The following FAM163A variants were observed in gnomAD, a reference collection of about 807,000 sequenced individuals.
The protein encoded by FAM163A is protein FAM163A.
FAM163A carries 7 observed loss-of-function variants against 12.0 expected under a neutral mutation model. The ratio of observed to expected loss-of-function variants is 0.58; its 90% confidence interval spans 0.33 to 1.10. FAM163A has a LOEUF of 1.10. Ranked by LOEUF, FAM163A falls within the 50% of genes least tolerant of loss-of-function variation. The probability of loss-of-function intolerance (pLI) is 0.03; values close to 1 mark genes in which losing one functional copy is unlikely to be tolerated. For synonymous variants in FAM163A, 101 were observed against 91.0 expected, an observed-to-expected ratio of 1.11 and a Z score of -0.62; for missense variants, 202 against 218.6, an observed-to-expected ratio of 0.92 and a Z score of 0.48.
At position 179,767,889 on chromosome 1, in the gene FAM163A, C is replaced by T. The variant is rs1357442395; in HGVS notation, c.-136+24466C>T. On this transcript the variant is annotated intron_variant, in intron 1 of 4. Coordinates refer to ENST00000341785, the MANE Select transcript of FAM163A (RefSeq NM_173509.3). ...CACAACAATTAATTTCCCCTCTTAACCATTCGTAAGTGTTAAGTAGTGTTA... is the reference window on the plus strand; with the variant it reads ...CACAACAATTAATTTCCCCTCTTAATCATTCGTAAGTGTTAAGTAGTGTTA... Among the ~76,000 whole-genome samples the T allele has an allele frequency of 3.3e-5, 5 of 152,160 alleles. No homozygotes were observed. In the East Asian group the frequency reaches 9.6e-4, roughly 29 times the overall value.
intron 1 of FAM163A, among the ~76,000 whole-genome samples, chr1:179,789,662 T>G (rs1691161633): frequency 6.6e-6 from 1 of 152,180 alleles, no homozygotes; most frequent in African/African-American, 2.4e-5. Flanking sequence ...GGTGAAAGAC[T>G]TAACATTGGT....
the FAM163A span, among the ~76,000 whole-genome samples, chr1:179,736,862 G>T: frequency 1.3e-5 from 2 of 152,066 alleles, no homozygotes; most frequent in African/African-American, 2.4e-5. Context: ...TATTGGCATT[G>T]CTGTGGAGAA....
chr1:179,769,489 A>G (rs73039657), intron 1 of FAM163A, among the ~76,000 whole-genome samples: 3,686 of 152,286 alleles, frequency 0.024, 167 homozygotes, highest in African/African-American at 0.084. Context: ...TTACATTTGG[A>G]TAGGTCACAC....
chr1:179,809,323 AG>A (rs1212419848), intron 2 of FAM163A, among the ~76,000 whole-genome samples: 1 of 152,176 alleles, frequency 6.6e-6, no homozygotes, highest in East Asian at 1.9e-4. Flanking sequence ...CTTTCCTCAC[AG>A]TCACACTTGA....
intron 1 of FAM163A, among the ~76,000 whole-genome samples, chr1:179,754,234 G>A (rs944704539): frequency 2.0e-5 from 3 of 152,014 alleles, no homozygotes; most frequent in Non-Finnish European, 2.9e-5. Flanking sequence ...TAATCATACA[G>A]GCAGGGCACT....
intron 1 of FAM163A, among the ~76,000 whole-genome samples, chr1:179,796,210 C>T (rs1692295939): frequency 6.6e-6 from 1 of 151,926 alleles, no homozygotes; most frequent in African/African-American, 2.4e-5. Context: ...TCTATTTCTT[C>T]TCAACTTTAC....
rs528948239 is a variant in FAM163A, at chr1:179,812,808, C to G, written c.-22-268C>G. On this transcript the variant is annotated intron_variant, in intron 3 of 4. Coordinates refer to ENST00000341785, the MANE Select transcript of FAM163A (RefSeq NM_173509.3). ...GAAGCGGGAGCTAAGAAGGGTGTGACGGGAGAGGAAAGGCGAGAAGAGCAC... is the reference window on the plus strand; with the variant it reads ...GAAGCGGGAGCTAAGAAGGGTGTGAGGGGAGAGGAAAGGCGAGAAGAGCAC... Among the ~76,000 whole-genome samples, 23 of 152,222 alleles carry G rather than the reference C, an allele frequency of 1.5e-4. 1 individual carries two copies. In the East Asian group the frequency reaches 2.9e-3, roughly 19 times the overall value.
intron 1 of FAM163A, among the ~76,000 whole-genome samples, chr1:179,767,614 AC>A (rs1687686303): frequency 6.6e-6 from 1 of 151,162 alleles, no homozygotes; most frequent in Non-Finnish European, 1.5e-5. Context: ...TGAGAAAAAA[AC>A]CCCTGTCCCC....
At chr1:179,780,446 G>A (rs1427997388) in intron 1 of FAM163A, among the ~76,000 whole-genome samples, 3 of 152,216 alleles carry the variant, frequency 2.0e-5, no homozygotes, top group Non-Finnish European at 4.4e-5. Context: ...GCCTAAAGAA[G>A]TGAAATTGAA....
the FAM163A span, among the ~76,000 whole-genome samples, chr1:179,733,106 T>G: frequency 6.6e-6 from 1 of 152,044 alleles, no homozygotes; most frequent in Non-Finnish European, 1.5e-5. Flanking sequence ...CTCTCAATAT[T>G]TTTTAAAGCT....
At chr1:179,736,826 GA>G in the FAM163A span, among the ~76,000 whole-genome samples, 55 of 150,752 alleles carry the variant, frequency 3.6e-4, 1 homozygote, top group African/African-American at 1.1e-3. Context: ...AAAGAAAAAA[GA>G]AAAAAAAAGT....
intron 1 of FAM163A, among the ~76,000 whole-genome samples, chr1:179,779,791 G>C (rs1434883287): frequency 6.6e-6 from 1 of 152,178 alleles, no homozygotes; most frequent in Non-Finnish European, 1.5e-5. Flanking sequence ...GAATCCACGT[G>C]AATGATAAAG....
chr1:179,779,541 AAG>A (rs1689442230), intron 1 of FAM163A, among the ~76,000 whole-genome samples: 1 of 152,220 alleles, frequency 6.6e-6, no homozygotes, highest in Non-Finnish European at 1.5e-5. Flanking sequence ...GTCTCAGAGA[AAG>A]AGCTCAGGCA....
intron 4 of FAM163A, 143 bp from the exon 5 acceptor site, chr1:179,813,636 C>A: frequency 1.1e-6 from 1 of 902,716 alleles, no homozygotes; most frequent in Non-Finnish European, 1.7e-6. Context: ...GGATTAGAAA[C>A]TTGTGGAGCA....
At chr1:179,745,664 G>A (rs1249472527) in intron 1 of FAM163A, among the ~76,000 whole-genome samples, 1 of 152,166 alleles carries the variant, frequency 6.6e-6, no homozygotes, top group Non-Finnish European at 1.5e-5. Flanking sequence ...AATGAAAGTT[G>A]CTAACATTTA....
At chr1:179,734,023 A>G in the FAM163A span, among the ~76,000 whole-genome samples, 2 of 152,194 alleles carry the variant, frequency 1.3e-5, no homozygotes, top group Non-Finnish European at 2.9e-5. Flanking sequence ...AGCACAACAC[A>G]CCCCAATAGT....
intron 1 of FAM163A, among the ~76,000 whole-genome samples, chr1:179,759,408 G>A (rs1300618982): frequency 6.6e-6 from 1 of 152,088 alleles, no homozygotes; most frequent in African/African-American, 2.4e-5. Flanking sequence ...TACCATGAGC[G>A]AGAATGAAGG....
chr1:179,744,302 G>T (rs1684119682), intron 1 of FAM163A, among the ~76,000 whole-genome samples: 1 of 152,030 alleles, frequency 6.6e-6, no homozygotes, highest in South Asian at 2.1e-4. Context: ...CCACACGGAA[G>T]CCTCCGCCCC....
chr1:179,792,876 TAA>T (rs1357777728), intron 1 of FAM163A, among the ~76,000 whole-genome samples: 333 of 137,752 alleles, frequency 2.4e-3, no homozygotes, highest in African/African-American at 0.011. Context: ...AGACAGATAA[TAA>T]AATATATATA....
Sources: gnomAD v4.1 joint callset for allele counts (sites outside exome capture counted in the v4.1 genomes callset) on GRCh38, gnomAD v4.1.1 for gene constraint, MANE v1.5 for transcripts, NCBI Gene and HGNC (gene_info 2026-07-23, HGNC 2026-07-21) for gene names.